The following AQP4 variants were observed in gnomAD, a reference collection of about 807,000 sequenced individuals.
AQP4 encodes aquaporin-4.
In AQP4, 18 loss-of-function variants were observed where a neutral mutation model predicts 27.8. The observed-to-expected ratio is 0.65, with a 90% confidence interval of 0.45 to 0.96. The LOEUF (loss-of-function observed/expected upper bound fraction) is 0.96, where lower values mean the gene tolerates loss of function less well. Ranked by LOEUF, AQP4 falls within the 40% of genes least tolerant of loss-of-function variation. AQP4 has a pLI of 0.00. For synonymous variants in AQP4, 141 were observed against 142.9 expected (o/e 0.99, Z 0.10); for missense variants, 412 against 408.2 (o/e 1.01, Z -0.08).
chr18:26,862,895 T>C (rs1248327201), intron 1 of AQP4: 3 of 443,830 alleles, frequency 6.8e-6, no homozygotes, highest in Non-Finnish European at 1.2e-5. Context: ...ATAAAATATA[T>C]TTACCTTGTA....
In AQP4 at chr18:26,862,272, G is replaced by A. The variant is rs748773156; in HGVS notation, c.357C>T (p.Ile119=). ...KISIAKSVFY[I]AAQCLGAIIG... The stretch of plus-strand genomic sequence containing the variant: ...TGATGGCCCCCAGGCACTGGGCTGC[G>A]ATGTAGAAGACAGACTTGGCGATGC... Residue 119 remains isoleucine, a synonymous_variant, in exon 2 of 5, where the codon ATC becomes ATT. Coordinates refer to ENST00000383168, the MANE Select transcript of AQP4 (RefSeq NM_001650.7). The A allele has an allele frequency of 2.1e-5, 34 of 1,614,040 alleles. No homozygotes were observed. The highest frequency in any genetic ancestry group is 1.6e-4 in the African/African-American group (12 of 74,920).
At chr18:26,857,428 G>A (rs1234940559) in intron 4 of AQP4, among the ~76,000 whole-genome samples, 3 of 151,990 alleles carry the variant, frequency 2.0e-5, no homozygotes, top group Non-Finnish European at 2.9e-5. Flanking sequence ...CCGGGTTCAC[G>A]CCATTCTCCT....
At position 26,854,554 on chromosome 18, in the gene AQP4, C is replaced by G. The variant is rs1333559191; in HGVS notation, c.*1657G>C. ...CAGGCATAACACTGGTGTGACGACT[C>G]TCTGGGAATCTCACACATCACTCTT... On this transcript the variant is annotated 3_prime_UTR_variant, in exon 5 of 5. Coordinates refer to ENST00000383168, the MANE Select transcript of AQP4 (RefSeq NM_001650.7). 1 of 152,530 alleles carries G rather than the reference C, an allele frequency of 6.6e-6. No individual in the cohort carries two copies. The highest frequency in any genetic ancestry group is 2.4e-5 in the African/African-American group (1 of 41,406). 9.4% of individuals were successfully genotyped at this position (152,530 alleles called of 1,614,324 possible).
chr18:26,859,356 T>C (rs2054898340), intron 4 of AQP4, among the ~76,000 whole-genome samples: 1 of 151,992 alleles, frequency 6.6e-6, no homozygotes, highest in East Asian at 1.9e-4. Context: ...CCTGTCTCTA[T>C]GAAAAAATAC....
At chr18:26,856,554 G>A (rs2054848968) in intron 4 of AQP4, 65 bp from the exon 5 acceptor site, 1 of 1,559,896 alleles carries the variant, frequency 6.4e-7, no homozygotes, top group Non-Finnish European at 8.8e-7. Context: ...AGCAGCTCAT[G>A]AATGTAGAAT....
At position 26,862,169 on chromosome 18, in the gene AQP4, C is replaced by T. The variant is rs1402383136; in HGVS notation, c.447+13G>A. The stretch of plus-strand genomic sequence containing the variant: ...GCTTGGAGTCCTAGTTTGAAAATAG[C>T]TAAAGATGCTACCATGGTGACTCCC... On this transcript the variant is annotated intron_variant, in intron 2 of 4. Coordinates refer to ENST00000383168, the MANE Select transcript of AQP4 (RefSeq NM_001650.7). 1.2e-6 allele frequency: 2 copies of T among 1,613,960 alleles called. No individual in the cohort carries two copies. The highest frequency in any genetic ancestry group is 2.2e-5 in the South Asian group (2 of 91,070).
intron 4 of AQP4, 200 bp downstream of exon 4, chr18:26,860,572 G>C (rs766551299): frequency 1.2e-5 from 7 of 566,304 alleles, no homozygotes; most frequent in Middle Eastern, 5.0e-4. Context: ...CCTTCAGTTA[G>C]AGATGTTTTA....
chr18:26,857,975 A>AACCTCTCATTT (rs1187072519), intron 4 of AQP4, among the ~76,000 whole-genome samples: 2 of 152,154 alleles, frequency 1.3e-5, no homozygotes, highest in Non-Finnish European at 2.9e-5. Context: ...TCTGACTTCA[A>AACCTCTCATTT]ACCTCTCATT....
In AQP4 at chr18:26,855,523, T is replaced by G. The variant is rs2054826213; in HGVS notation, c.*688A>C. On this transcript the variant is annotated 3_prime_UTR_variant, in exon 5 of 5. Transcript: ENST00000383168. ...TCTTGAATCTCAATAGGTGCCCTTA[T>G]GATTTGGGAAGGATTTCTGAATATT... 6.6e-6 allele frequency: 1 copy of G among 152,500 alleles called. No individual in the cohort carries two copies. Among genetic ancestry groups the G allele is most frequent in the Non-Finnish European group, 1.5e-5 (1 of 68,252 alleles). The allele number at this position is 152,500 out of a possible 1,614,324, so 9.4% of individuals were successfully genotyped here.
At chr18:26,857,605 T>G (rs1322279901) in intron 4 of AQP4, among the ~76,000 whole-genome samples, 1 of 152,124 alleles carries the variant, frequency 6.6e-6, no homozygotes, top group East Asian at 1.9e-4. Context: ...GGATTACAGG[T>G]GTGAGCCACC....
At chr18:26,857,616 G>A (rs554892982) in intron 4 of AQP4, among the ~76,000 whole-genome samples, 5 of 152,156 alleles carry the variant, frequency 3.3e-5, no homozygotes, top group African/African-American at 7.2e-5. Context: ...GTGAGCCACC[G>A]TGCCCAGCCG....
chr18:26,856,549 C>T (rs2054848840), intron 4 of AQP4, 60 bp from the exon 5 acceptor site: 2 of 1,573,684 alleles, frequency 1.3e-6, no homozygotes, highest in African/African-American at 2.7e-5. Flanking sequence ...CATTGAGCAG[C>T]TCATGAATGT....
In AQP4 at chr18:26,856,364, T is replaced by C. The variant is rs72557972; in HGVS notation, c.819A>G (p.Thr273=). The C allele has an allele frequency of 5.0e-3, 8,109 of 1,614,262 alleles. 33 individuals are homozygous for C. The highest frequency in any genetic ancestry group is 8.8e-3 in the South Asian group (803 of 91,088). The change falls in exon 5 of 5, where the codon ACA becomes ACG. Residue 273 remains threonine, a synonymous_variant. Coordinates refer to ENST00000383168, the MANE Select transcript of AQP4 (RefSeq NM_001650.7). The stretch of plus-strand genomic sequence containing the variant: ...CCTCCACCTCCATGTAGCTTCCTTT[T>C]GTTTGCTGGGCAGCTTTGCTGAAGG... The part of the protein sequence containing the change: ...KEAFSKAAQQ[T]KGSYMEVEDN...
rs188892714 is a variant in AQP4, at chr18:26,858,377, A to G, written c.694-1888T>C. 3.3e-5 allele frequency among the ~76,000 whole-genome samples: 5 copies of G among 152,358 alleles called. No homozygotes were observed. In the East Asian group the frequency reaches 9.6e-4, roughly 29 times the overall value. On this transcript the variant is annotated intron_variant, in intron 4 of 4. Coordinates refer to ENST00000383168, the MANE Select transcript of AQP4 (RefSeq NM_001650.7). ...TCCACTGTACTACACACTCATTTGA[A>G]AAAAAACATGATGGATGCTTTTTGT...
At chr18:26,857,832 T>G (rs80182058) in intron 4 of AQP4, among the ~76,000 whole-genome samples, 2,196 of 152,322 alleles carry the variant, frequency 0.014, 50 homozygotes, top group African/African-American at 0.05. Flanking sequence ...CTCATTTAAT[T>G]CTAACAATAA....
chr18:26,862,354 C>A lies in AQP4; in HGVS notation c.275G>T (p.Ser92Ile). 1 of 1,614,224 alleles carries A rather than the reference C, an allele frequency of 6.2e-7. No individual in the cohort carries two copies. The highest frequency in any genetic ancestry group is 1.1e-5 in the South Asian group (1 of 91,086). Residue 92 changes from serine (S) to isoleucine (I), a missense_variant, in exon 2 of 5, where the codon AGC (serine) becomes ATC (isoleucine). Transcript: ENST00000383168. ...ATMVQCFGHI[S>I]GGHINPAVTV... ...CACTGCAGGGTTGATGTGGCCACCG[C>A]TGATATGGCCAAAGCACTGCACCAT...
intron 4 of AQP4, among the ~76,000 whole-genome samples, chr18:26,860,336 G>A (rs1342673350): frequency 2.6e-5 from 4 of 152,142 alleles, no homozygotes; most frequent in Non-Finnish European, 5.9e-5. Context: ...TATGGGCAGC[G>A]CTTTTAAGTA....
At chr18:26,861,435 C>T (rs1222991071) in intron 2 of AQP4, 140 bp from the exon 3 acceptor site, 1 of 779,248 alleles carries the variant, frequency 1.3e-6, no homozygotes, top group South Asian at 1.7e-5. Context: ...CTGAGAATTT[C>T]CTTCTCTCAC....
At chr18:26,864,386 T>A (rs2055017879) in intron 1 of AQP4, among the ~76,000 whole-genome samples, 1 of 151,842 alleles carries the variant, frequency 6.6e-6, no homozygotes, top group Non-Finnish European at 1.5e-5. Context: ...GGTGGCAGGA[T>A]AAAGGAAGAG....
Sources: allele counts gnomAD v4.1 joint callset (sites outside exome capture counted in the v4.1 genomes callset), GRCh38; gene constraint gnomAD v4.1.1; transcripts MANE v1.5; gene names NCBI Gene and HGNC (gene_info 2026-07-23, HGNC 2026-07-21).